The following TULP4 variants were observed in gnomAD, a reference collection of about 807,000 sequenced individuals.
TULP4 encodes the protein TUB like protein 4, also known as tubby-related protein 4.
TULP4 carries 16 observed loss-of-function variants against 129.0 expected under a neutral mutation model. The observed-to-expected ratio is 0.12, with a 90% CI of 0.08 to 0.19. The LOEUF is 0.19. TULP4 is among the 10% of genes least tolerant of loss of function. The pLI is 1.00. For synonymous variants in TULP4, 998 were observed against 854.0 expected, an observed-to-expected ratio of 1.17 and a Z score of -2.94; for missense variants, 1,842 against 2,059.1, an observed-to-expected ratio of 0.89 and a Z score of 2.04.
chr6:158,445,962 G>A (rs940666732), intron 3 of TULP4, among the ~76,000 whole-genome samples: 5 of 152,158 alleles, frequency 3.3e-5, no homozygotes, highest in South Asian at 2.1e-4. Context: ...CAAGCCTGGG[G>A]AGCACTAGCA....
chr6:158,493,815 A>G lies in TULP4; in HGVS notation c.1776+98A>G, dbSNP rs1780269386. 8.2e-6 allele frequency: 11 copies of G among 1,347,834 alleles called. No individual in the cohort carries two copies. The East Asian group carries it at 1.1e-4, about 13-fold the overall frequency. The allele number at this position is 1,347,834 out of a possible 1,614,324, so 83.5% of individuals were successfully genotyped here. On this transcript the variant is annotated intron_variant, in intron 10 of 13. Transcript: ENST00000367097. This position sits in a 1 kb window ranked among gnomAD's most constrained non-coding sequence, Gnocchi z 4.4. The stretch of plus-strand genomic sequence containing the variant: ...GCCGCCTGCACTGCTCACTGCCACC[A>G]TGGGTCCCTGAGCTCTGCTCCACAT...
At chr6:158,284,898 G>A (rs1778810585) in intron 1 of TULP4, among the ~76,000 whole-genome samples, 1 of 152,154 alleles carries the variant, frequency 6.6e-6, no homozygotes, top group Non-Finnish European at 1.5e-5. Context: ...ACCTCACAGG[G>A]TTTCTGTGGC....
intron 1 of TULP4, among the ~76,000 whole-genome samples, chr6:158,316,044 C>G (rs910059607): frequency 1.3e-5 from 2 of 152,192 alleles, no homozygotes; most frequent in African/African-American, 4.8e-5. Context: ...AAATGGAATC[C>G]TTCATTACAT....
At chr6:158,347,008 T>C (rs895133838) in intron 1 of TULP4, among the ~76,000 whole-genome samples, 3 of 152,234 alleles carry the variant, frequency 2.0e-5, no homozygotes, top group African/African-American at 7.2e-5. Context: ...GTTTTTTCCC[T>C]GGCAAATCAC....
intron 1 of TULP4, among the ~76,000 whole-genome samples, chr6:158,274,212 C>G (rs6907253): frequency 0.1 from 15,335 of 151,916 alleles, 847 homozygotes; most frequent in Middle Eastern, 0.15. Context: ...GAGCCAAGAT[C>G]ACACCACAGC....
chr6:158,453,287 G>A (rs1779204734), intron 5 of TULP4, among the ~76,000 whole-genome samples: 1 of 151,842 alleles, frequency 6.6e-6, no homozygotes. Flanking sequence ...CAAACATGGT[G>A]AAACCCCATC....
At chr6:158,274,189 T>A (rs9364892) in intron 1 of TULP4, among the ~76,000 whole-genome samples, 1 of 150,184 alleles carries the variant, frequency 6.7e-6, no homozygotes, top group South Asian at 2.1e-4. Context: ...ACCCGGGAGG[T>A]GGAGGTTGTA....
chr6:158,420,646 TA>T (rs1778317850), intron 2 of TULP4, among the ~76,000 whole-genome samples: 1 of 90,320 alleles, frequency 1.1e-5, no homozygotes, highest in Non-Finnish European at 2.7e-5. Context: ...TACACCTGGC[TA>T]ATTTTTGTTT....
rs1432022540 is a variant in TULP4 at position 158,413,999 on chromosome 6, C to T, written c.381+806C>T. ...TATACACTTCTAAGGTACTTGGATT[C>T]TCATCCTTCCCTCGCCCACCTGTTG... is the stretch of plus-strand genomic sequence containing the variant. On this transcript the variant is annotated intron_variant, in intron 2 of 13. Coordinates refer to ENST00000367097, the MANE Select transcript of TULP4 (RefSeq NM_020245.5). This position sits in a 1 kb window ranked among gnomAD's most constrained non-coding sequence, Gnocchi z 4.9. Among the ~76,000 whole-genome samples the T allele has an allele frequency of 1.3e-5, 2 of 152,232 alleles. No homozygotes were observed. The highest frequency in any genetic ancestry group is 2.9e-5 in the Non-Finnish European group (2 of 68,040).
chr6:158,294,374 T>TAA (rs1026333697), intron 1 of TULP4, among the ~76,000 whole-genome samples: 1 of 140,322 alleles, frequency 7.1e-6, no homozygotes, highest in Non-Finnish European at 1.6e-5. Flanking sequence ...AAAAAAAAAA[T>TAA]AAAAAAAAAA....
chr6:158,276,540 A>C (rs1365328774), intron 1 of TULP4, among the ~76,000 whole-genome samples: 1 of 151,868 alleles, frequency 6.6e-6, no homozygotes, highest in Non-Finnish European at 1.5e-5. Context: ...CTAAAGCAAC[A>C]AAAACGTGTT....
rs886954118 is a variant in TULP4 at position 158,502,538 on chromosome 6, C to A, written c.2875C>A (p.Pro959Thr). Residue 959 changes from proline (P) to threonine (T), a missense_variant, in exon 13 of 14, where the codon CCC becomes ACC. Coordinates refer to ENST00000367097, the MANE Select transcript of TULP4 (RefSeq NM_020245.5). ...CTACTCCATCCCCACCGGGGACCCA[C>A]CCCCGTATCCTGAAATTGCCAGCCA... ...PRYSIPTGDP[P>T]PYPEIASQLA... 2.5e-6 allele frequency: 4 copies of A among 1,609,914 alleles called. No individual in the cohort carries two copies. The highest frequency in any genetic ancestry group is 3.4e-6 in the Non-Finnish European group (4 of 1,179,942).
chr6:158,302,363 A>G (rs371392980), intron 1 of TULP4, among the ~76,000 whole-genome samples: 7 of 152,230 alleles, frequency 4.6e-5, no homozygotes, highest in East Asian at 3.8e-4. Context: ...TGAGAGGCCA[A>G]TTCTTAGGTA....
In TULP4 at chr6:158,501,755, G is replaced by A; in HGVS notation, c.2092G>A (p.Ala698Thr). The A allele has an allele frequency of 6.2e-7, 1 of 1,614,106 alleles. No homozygotes were observed. The highest frequency in any genetic ancestry group is 8.5e-7 in the Non-Finnish European group (1 of 1,180,012). ...NIPIAPIHSS[A>T]QAMSPTQSIG... ...CCCTATTGCACCGATCCACAGCTCG[G>A]CTCAGGCTATGTCCCCCACGCAGAG... Residue 698 changes from alanine to threonine, a missense_variant, in exon 13 of 14, where the codon GCT becomes ACT. Ala to Thr is a moderately conservative substitution (Grantham distance 58, BLOSUM62 0). This residue lies in a region of TULP4 where 99 missense variants were observed against 165.1 expected (regional missense o/e 0.60). Coordinates refer to ENST00000367097, the MANE Select transcript of TULP4 (RefSeq NM_020245.5).
intron 1 of TULP4, among the ~76,000 whole-genome samples, chr6:158,266,359 C>T (rs1205121960): frequency 1.3e-5 from 2 of 152,176 alleles, no homozygotes; most frequent in East Asian, 1.9e-4. Context: ...CGGGTTCCAG[C>T]GAATCTCATG....
At chr6:158,256,009 G>A (rs1340446023) in intron 1 of TULP4, among the ~76,000 whole-genome samples, 1 of 146,018 alleles carries the variant, frequency 6.8e-6, no homozygotes, top group Non-Finnish European at 1.6e-5. Context: ...CAAGAGCAGA[G>A]CCTGTTATAG....
At chr6:158,255,160 A>G (rs887059455) in intron 1 of TULP4, among the ~76,000 whole-genome samples, 1 of 152,064 alleles carries the variant, frequency 6.6e-6, no homozygotes, top group Non-Finnish European at 1.5e-5. Flanking sequence ...CTCTGCATGG[A>G]TCCTGTCATG....
intron 1 of TULP4, among the ~76,000 whole-genome samples, chr6:158,410,532 T>G (rs13209934): frequency 6.6e-6 from 1 of 152,210 alleles, no homozygotes; most frequent in African/African-American, 2.4e-5. Flanking sequence ...TCTTAATTTG[T>G]CATGTTCTAT....
intron 1 of TULP4, among the ~76,000 whole-genome samples, chr6:158,337,753 G>A (rs867574552): frequency 3.3e-5 from 5 of 150,924 alleles, no homozygotes; most frequent in Non-Finnish European, 4.4e-5. Flanking sequence ...AAGACCAAGA[G>A]TATTCAAAAA....
Sources: gnomAD v4.1 joint callset for allele counts (sites outside exome capture counted in the v4.1 genomes callset) on GRCh38, gnomAD v4.1.1 for gene constraint, gnomAD v4.1.1 regional missense constraint, Gnocchi (gnomAD v3.1) non-coding constraint, MANE v1.5 for transcripts, NCBI Gene and HGNC (gene_info 2026-07-23, HGNC 2026-07-21) for gene names.